KIF9: variants seen among roughly 807,000 people sequenced by gnomAD.
KIF9 encodes kinesin family member 9.
In KIF9, 68 loss-of-function variants were observed where a neutral mutation model predicts 94.8. That is an observed-to-expected ratio of 0.72 (90% CI 0.59 to 0.88). The LOEUF is 0.88. Among genes scored for constraint, KIF9 ranks in the 40% least tolerant of loss-of-function variants. The probability of loss-of-function intolerance (pLI) is 0.00; values close to 1 mark genes in which losing one functional copy is unlikely to be tolerated. For synonymous variants in KIF9, 343 were observed against 362.1 expected (o/e 0.95, Z 0.60); for missense variants, 882 against 982.5 (o/e 0.90, Z 1.37).
At chr3:47,232,789 T>C (rs1249595262) in intron 20 of KIF9, among the ~76,000 whole-genome samples, 1 of 150,332 alleles carries the variant, frequency 6.7e-6, no homozygotes, top group Non-Finnish European at 1.5e-5. Flanking sequence ...GAGACCATCC[T>C]AGCTAACACG....
intron 9 of KIF9, chr3:47,264,049 C>A: frequency 1.8e-6 from 1 of 567,578 alleles, no homozygotes; most frequent in South Asian, 1.7e-5. Context: ...CTCACACAGT[C>A]TCCCATGCTG....
chr3:47,257,673 T>A, intron 9 of KIF9, 113 bp from the exon 10 acceptor site: 1 of 863,944 alleles, frequency 1.2e-6, no homozygotes, highest in Non-Finnish European at 1.8e-6. Context: ...AGCTCCCTTG[T>A]CAACCCATGT....
At chr3:47,277,176 T>C in intron 2 of KIF9, 106 bp downstream of exon 2, 1 of 742,596 alleles carries the variant, frequency 1.3e-6, no homozygotes, top group Non-Finnish European at 2.3e-6. Context: ...TTGGATCCTG[T>C]CCAATTCTGT....
chr3:47,275,718 T>C lies in KIF9; in HGVS notation c.94-228A>G, dbSNP rs749223830. On this transcript the variant is annotated intron_variant, in intron 2 of 20. Coordinates refer to ENST00000684063, the MANE Select transcript of KIF9 (RefSeq NM_182902.4). Reference sequence around the variant, plus strand: ...AGGAGAGTGGAGCACTTTCTAGTTTTAGCACCTCTAACCCTAGTTCACACG... The same window carrying C: ...AGGAGAGTGGAGCACTTTCTAGTTTCAGCACCTCTAACCCTAGTTCACACG... Among the ~76,000 whole-genome samples the C allele has an allele frequency of 3.3e-5, 5 of 152,240 alleles. No individual in the cohort carries two copies. In the East Asian group the frequency reaches 5.8e-4, roughly 18 times the overall value.
At chr3:47,229,785 G>C (rs1485598540) in intron 20 of KIF9, among the ~76,000 whole-genome samples, 1 of 151,596 alleles carries the variant, frequency 6.6e-6, no homozygotes. Context: ...CCAGGCCGGA[G>C]TACAGTGGCG....
Position 47,236,102 on chromosome 3 carries a change from G to C in KIF9, c.2149C>G (p.Gln717Glu). 1 of 1,614,144 alleles carries C rather than the reference G, an allele frequency of 6.2e-7. No individual in the cohort carries two copies. Among genetic ancestry groups the C allele is most frequent in the Non-Finnish European group, 8.5e-7 (1 of 1,179,964 alleles). ...CTGCCGCCTGGCTTCAGTGCCATCT[G>C]CATGTCCTCAGGGATGACAAAGGAC... The part of the protein sequence containing the change: ...NESFVIPEDM[Q>E]MALKPGGSIR... Residue 717 changes from glutamine (Q) to glutamate (E), a missense_variant, in exon 19 of 21, where the codon CAG (glutamine) becomes GAG (glutamate). Gln to Glu is a conservative substitution (Grantham distance 29, BLOSUM62 2). Coordinates refer to ENST00000684063, the MANE Select transcript of KIF9 (RefSeq NM_182902.4).
At chr3:47,254,994 C>T (rs1700485092) in intron 10 of KIF9, among the ~76,000 whole-genome samples, 1 of 152,142 alleles carries the variant, frequency 6.6e-6, no homozygotes, top group South Asian at 2.1e-4. Flanking sequence ...CACTCCCTCC[C>T]CAGTCTCCAA....
chr3:47,229,620 C>T (rs1436768651), intron 20 of KIF9, among the ~76,000 whole-genome samples: 1 of 152,060 alleles, frequency 6.6e-6, no homozygotes, highest in Admixed American at 6.6e-5. Flanking sequence ...AAAGTCTGTG[C>T]ATGGGCATAT....
At chr3:47,268,331 C>A (rs1414205967) in intron 5 of KIF9, among the ~76,000 whole-genome samples, 1 of 152,134 alleles carries the variant, frequency 6.6e-6, no homozygotes, top group Non-Finnish European at 1.5e-5. Context: ...GAGGGATAGA[C>A]TGATGTCTCC....
In KIF9 at chr3:47,264,279, T is replaced by C; in HGVS notation, c.981+7A>G. The C allele has an allele frequency of 6.2e-7, 1 of 1,609,188 alleles. No homozygotes were observed. Among genetic ancestry groups the C allele is most frequent in the Non-Finnish European group, 8.5e-7 (1 of 1,175,588 alleles). ...CCAGCCTGGTTTCACTGACTGTCTT[T>C]ACATACCGTTTCTTCTAACTGGGCA... is the stretch of plus-strand genomic sequence containing the variant. On this transcript the variant is annotated splice_region_variant and intron_variant, in intron 9 of 20. Coordinates refer to ENST00000684063, the MANE Select transcript of KIF9 (RefSeq NM_182902.4).
At chr3:47,248,937 T>G (rs1247669301) in intron 10 of KIF9, among the ~76,000 whole-genome samples, 1 of 152,072 alleles carries the variant, frequency 6.6e-6, no homozygotes, top group Non-Finnish European at 1.5e-5. Flanking sequence ...GGTCCTACTA[T>G]GTTGCCCATG....
chr3:47,235,752 C>A, intron 19 of KIF9, 135 bp from the exon 20 acceptor site: 1 of 693,692 alleles, frequency 1.4e-6, no homozygotes, highest in Non-Finnish European at 2.5e-6. Context: ...CATCTCACAG[C>A]CCTCCAGCCC....
At chr3:47,229,523 A>T (rs935499123) in intron 20 of KIF9, among the ~76,000 whole-genome samples, 1 of 152,182 alleles carries the variant, frequency 6.6e-6, no homozygotes, top group African/African-American at 2.4e-5. Flanking sequence ...TCTGATCTAT[A>T]TGTTTCCTAT....
chr3:47,257,649 T>C (rs1452862669), intron 9 of KIF9, 89 bp from the exon 10 acceptor site: 2 of 1,137,200 alleles, frequency 1.8e-6, no homozygotes, highest in East Asian at 4.7e-5. Flanking sequence ...TGCCTGCCCT[T>C]TCCTGGCTCC....
At position 47,275,363 on chromosome 3, in the gene KIF9, G is replaced by C. The variant is rs370719237; in HGVS notation, c.221C>G (p.Ala74Gly). The change falls in exon 3 of 21, where the codon GCA (alanine) becomes GGA (glycine). Residue 74 changes from alanine (A) to glycine (G), a missense_variant. By Grantham distance (60) the Ala-to-Gly change is moderately conservative. Coordinates refer to ENST00000684063, the MANE Select transcript of KIF9 (RefSeq NM_182902.4). ...ASQDLVYETVAKDVVSQALDG... is the reference protein window; with the variant it reads ...ASQDLVYETVGKDVVSQALDG... ...GAGGGCCTGAGAAACCACATCCTTT[G>C]CAACTGTCTCATAAACCAAGTCCTG... The C allele has an allele frequency of 1.9e-6, 3 of 1,613,540 alleles. No homozygotes were observed. Among genetic ancestry groups the C allele is most frequent in the East Asian group, 2.2e-5 (1 of 44,890 alleles).
Position 47,243,122 on chromosome 3 carries a change from C to T in KIF9, c.1638G>A (p.Ser546=), listed in dbSNP as rs368017187. The T allele has an allele frequency of 4.3e-5, 69 of 1,613,758 alleles. No individual in the cohort carries two copies. In the Middle Eastern group the frequency reaches 4.9e-4, roughly 12 times the overall value. ...CAATGCTGGAAGTTTCCCGGTCCCG[C>T]GAAAGCATGTCTTTGACATCCCCAT... ...SKDGDVKDML[S]RDRETSSIEP... The change falls in exon 16 of 21, where the codon TCG becomes TCA. Residue 546 remains serine (S), a synonymous_variant. Transcript: ENST00000684063.
chr3:47,228,766 AC>A, intron 20 of KIF9, 64 bp from the exon 21 acceptor site: 2 of 1,306,918 alleles, frequency 1.5e-6, no homozygotes, highest in South Asian at 1.2e-5. Flanking sequence ...AGGGACTCAG[AC>A]CAGGCCACTC....
intron 4 of KIF9, among the ~76,000 whole-genome samples, chr3:47,272,992 G>A (rs1701742935): frequency 6.6e-6 from 1 of 152,210 alleles, no homozygotes; most frequent in African/African-American, 2.4e-5. Context: ...CCTCCGACCA[G>A]AGGGTCCTTA....
In KIF9 at chr3:47,245,937, T is replaced by G. The variant is rs1699896404; in HGVS notation, c.1289+260A>C. The G allele has an allele frequency of 1.2e-5, 6 of 500,426 alleles. No individual in the cohort carries two copies. In the East Asian group the frequency reaches 2.0e-4, roughly 17 times the overall value. The allele number at this position is 500,426 out of a possible 1,614,324, so 31.0% of individuals were successfully genotyped here. Reference sequence around the variant, plus strand: ...CCACAAATGCCTCCTGAGGTGGGAGTGTGTGTTGCAATATTCACAAGGTGA... The same window carrying G: ...CCACAAATGCCTCCTGAGGTGGGAGGGTGTGTTGCAATATTCACAAGGTGA... On this transcript the variant is annotated intron_variant, in intron 13 of 20. Coordinates refer to ENST00000684063, the MANE Select transcript of KIF9 (RefSeq NM_182902.4).
Sources: gnomAD v4.1 joint callset for allele counts (sites outside exome capture counted in the v4.1 genomes callset) on GRCh38, gnomAD v4.1.1 for gene constraint, MANE v1.5 for transcripts, NCBI Gene and HGNC (gene_info 2026-07-23, HGNC 2026-07-21) for gene names.